Variants in CCDC141 observed in about 807,000 individuals in gnomAD.
CCDC141 encodes coiled-coil domain containing 141.
Under a neutral mutation model 181.0 loss-of-function variants are expected in CCDC141, and 168 were observed. The observed-to-expected ratio is 0.93, with a 90% confidence interval of 0.82 to 1.05. The LOEUF (loss-of-function observed/expected upper bound fraction) is 1.05. CCDC141 is among the 50% of genes least tolerant of loss of function. The pLI is 0.00. For synonymous variants in CCDC141, 666 were observed against 642.3 expected (o/e 1.04, Z -0.56); for missense variants, 1,902 against 1,788.5 (o/e 1.06, Z -1.14).
In CCDC141 at chr2:178,975,067, A is replaced by C; in HGVS notation, c.516T>G (p.His172Gln). 1.0e-5 allele frequency: 15 copies of C among 1,484,396 alleles called. No individual in the cohort carries two copies. The highest frequency in any genetic ancestry group is 1.4e-5 in the Non-Finnish European group (15 of 1,094,444). The allele number at this position is 1,484,396 out of a possible 1,614,324, so 92.0% of individuals were successfully genotyped here. ...AAACATATTTCTTGCCTTTAGTATGATGTTCATGAAGCTGAAGAAGTGATT... is the reference window on the plus strand; with the variant it reads ...AAACATATTTCTTGCCTTTAGTATGCTGTTCATGAAGCTGAAGAAGTGATT... ...SLKSLLQLHE[H>Q]HTKELLERSL... is the part of the protein sequence containing the mutation. The change falls in exon 4 of 24, where the codon CAT becomes CAG. Residue 172 changes from histidine (H) to glutamine (Q), a missense_variant. By Grantham distance (24) the His-to-Gln change is conservative. Coordinates refer to ENST00000443758, the MANE Select transcript of CCDC141 (RefSeq NM_173648.4).
At chr2:178,846,729 G>A (rs755994681) in intron 21 of CCDC141, among the ~76,000 whole-genome samples, 40 of 152,056 alleles carry the variant, frequency 2.6e-4, no homozygotes, top group Non-Finnish European at 4.3e-4. Context: ...TGACTATTGG[G>A]GCCCATGTAA....
At chr2:178,828,655 G>C (rs1403331836), downstream of CCDC141, among the ~76,000 whole-genome samples, 1 of 152,160 alleles carries the variant, frequency 6.6e-6, no homozygotes, top group African/African-American at 2.4e-5. Context: ...ACCCTGCCAA[G>C]TAAGTGGTTT....
chr2:178,952,164 T>G (rs762807228), intron 5 of CCDC141, among the ~76,000 whole-genome samples: 1 of 152,244 alleles, frequency 6.6e-6, no homozygotes, highest in Non-Finnish European at 1.5e-5. Flanking sequence ...TTATGCCCTG[T>G]TCATATCAGA....
chr2:178,902,176 G>T (rs779685615), intron 8 of CCDC141, among the ~76,000 whole-genome samples: 1 of 152,058 alleles, frequency 6.6e-6, no homozygotes, highest in Non-Finnish European at 1.5e-5. Context: ...AATGGCCATA[G>T]TGCCCAAGGT....
intron 7 of CCDC141, among the ~76,000 whole-genome samples, chr2:178,911,828 T>G (rs1688232400): frequency 6.6e-6 from 1 of 152,210 alleles, no homozygotes; most frequent in South Asian, 2.1e-4. Flanking sequence ...CAATTAGTGC[T>G]GCCTGGAGAT....
intron 2 of CCDC141, among the ~76,000 whole-genome samples, chr2:179,000,052 C>CCACA (rs1323553955): frequency 5.4e-5 from 5 of 92,450 alleles, no homozygotes; most frequent in African/African-American, 1.6e-4. Context: ...AGATTCATCA[C>CCACA]CATACACACA....
At chr2:178,909,820 C>T (rs1432958260) in intron 7 of CCDC141, among the ~76,000 whole-genome samples, 1 of 152,178 alleles carries the variant, frequency 6.6e-6, no homozygotes, top group African/African-American at 2.4e-5. Flanking sequence ...ATGTAAACTC[C>T]TTTGGAAGCA....
intron 9 of CCDC141, among the ~76,000 whole-genome samples, 194 bp downstream of exon 9, chr2:178,888,333 G>T (rs1686983497): frequency 6.6e-6 from 1 of 152,120 alleles, no homozygotes; most frequent in African/African-American, 2.4e-5. Context: ...GCGCAGACAG[G>T]CCACCTGGGT....
chr2:179,000,689 G>A (rs1245733245), intron 2 of CCDC141, among the ~76,000 whole-genome samples: 1 of 152,112 alleles, frequency 6.6e-6, no homozygotes, highest in East Asian at 1.9e-4. Context: ...GTTGAGCTGA[G>A]TCAATTCCAA....
chr2:178,818,399 A>G, the CCDC141 span, among the ~76,000 whole-genome samples: 1 of 151,958 alleles, frequency 6.6e-6, no homozygotes, highest in African/African-American at 2.4e-5. Flanking sequence ...TATTCCCCAC[A>G]TGCATTAGCT....
intron 2 of CCDC141, among the ~76,000 whole-genome samples, chr2:179,031,203 T>C (rs1423947310): frequency 1.6e-4 from 17 of 103,192 alleles, no homozygotes; most frequent in Admixed American, 1.4e-3. Context: ...TATTTTCACT[T>C]GTTTTTTTTT....
At chr2:179,008,706 C>T (rs563329960) in intron 2 of CCDC141, among the ~76,000 whole-genome samples, 92 of 152,234 alleles carry the variant, frequency 6.0e-4, no homozygotes, top group South Asian at 4.6e-3. Context: ...AAAATCAGGG[C>T]ACCAATTCAT....
intron 1 of CCDC141, among the ~76,000 whole-genome samples, chr2:179,048,924 C>G (rs1021420754): frequency 6.6e-6 from 1 of 152,222 alleles, no homozygotes; most frequent in Non-Finnish European, 1.5e-5. Flanking sequence ...GCTGTCCATG[C>G]TCTAACAAAA....
At chr2:178,841,274 C>A (rs1684706296) in intron 22 of CCDC141, among the ~76,000 whole-genome samples, 1 of 152,176 alleles carries the variant, frequency 6.6e-6, no homozygotes, top group South Asian at 2.1e-4. Flanking sequence ...TGGCCAAACC[C>A]TCATTCAGTA....
At chr2:179,018,105 T>A (rs2042593640) in intron 2 of CCDC141, among the ~76,000 whole-genome samples, 1 of 152,134 alleles carries the variant, frequency 6.6e-6, no homozygotes, top group South Asian at 2.1e-4. Context: ...AAATGCACTC[T>A]GTCTTTTTAA....
rs528132858 is a variant in CCDC141, at chr2:178,834,051, G to A, written c.*122C>T. On this transcript the variant is annotated 3_prime_UTR_variant, in exon 24 of 24. Transcript: ENST00000443758. The stretch of plus-strand genomic sequence containing the variant: ...CCTAGCAGTGGTATTAGCCAAACAA[G>A]TATGGTGATCAGACTGGAGATACAC... 3.0e-6 allele frequency: 3 copies of A among 999,042 alleles called. No individual in the cohort carries two copies. The highest frequency in any genetic ancestry group is 2.9e-6 in the Non-Finnish European group (2 of 688,886). 61.9% of individuals were successfully genotyped at this position (999,042 alleles called of 1,614,324 possible). A position where few individuals can be genotyped will look rare whatever the true frequency, so the allele number is the denominator to read the frequency against.
intron 2 of CCDC141, among the ~76,000 whole-genome samples, chr2:179,038,392 G>A (rs1490392284): frequency 6.6e-6 from 1 of 152,142 alleles, no homozygotes; most frequent in African/African-American, 2.4e-5. Flanking sequence ...ACTGGGTACT[G>A]AGTTTCTGTT....
At chr2:178,965,419 G>A (rs575584980) in intron 4 of CCDC141, among the ~76,000 whole-genome samples, 4 of 152,326 alleles carry the variant, frequency 2.6e-5, no homozygotes, top group Non-Finnish European at 4.4e-5. Flanking sequence ...TTCCAACTGA[G>A]GTACCCGGTT....
intron 21 of CCDC141, among the ~76,000 whole-genome samples, chr2:178,846,483 C>G (rs1176949290): frequency 6.6e-6 from 1 of 152,204 alleles, no homozygotes; most frequent in African/African-American, 2.4e-5. Context: ...GAGTCTTAAA[C>G]AAACATGCAT....
Sources: allele counts gnomAD v4.1 joint callset (sites outside exome capture counted in the v4.1 genomes callset), GRCh38; gene constraint gnomAD v4.1.1; transcripts MANE v1.5; gene names NCBI Gene and HGNC (gene_info 2026-07-23, HGNC 2026-07-21).